PLXNA4: variants seen among roughly 807,000 people sequenced by gnomAD.
PLXNA4 encodes the protein plexin-A4.
A neutral mutation model predicts 191.8 loss-of-function variants in PLXNA4; 44 were observed. The observed-to-expected ratio is 0.23, with a 90% CI of 0.18 to 0.29. PLXNA4 has a LOEUF of 0.29. Ranked by LOEUF, PLXNA4 falls within the 10% of genes least tolerant of loss-of-function variation. PLXNA4 has a pLI of 1.00. For missense variants in PLXNA4, 1,800 were observed against 2,488.8 expected (o/e 0.72, Z 5.89); for synonymous variants, 1,082 against 1,009.5 (o/e 1.07, Z -1.36).
rs1794842824 is a variant in PLXNA4 at position 132,128,559 on chromosome 7, C to T, written c.*1920G>A. Reference sequence around the variant, plus strand: ...AGAGAAGGGGAACACTTCAAAAATCCTCCTACAAAGGACAAGAAATCCTTT... The same window carrying T: ...AGAGAAGGGGAACACTTCAAAAATCTTCCTACAAAGGACAAGAAATCCTTT... On this transcript the variant is annotated 3_prime_UTR_variant, in exon 32 of 32. Transcript: ENST00000321063. The T allele has an allele frequency of 6.6e-6, 1 of 152,130 alleles. No homozygotes were observed. The highest frequency in any genetic ancestry group is 2.4e-5 in the African/African-American group (1 of 41,404). 9.4% of individuals were successfully genotyped at this position (152,130 alleles called of 1,614,324 possible).
At chr7:132,626,853 C>A (rs1449865287) in intron 2 of PLXNA4, among the ~76,000 whole-genome samples, 1 of 152,116 alleles carries the variant, frequency 6.6e-6, no homozygotes, top group Non-Finnish European at 1.5e-5. Context: ...TCTGGAGCAC[C>A]CTATGGGGTC....
chr7:132,584,298 C>T (rs1302705114), intron 2 of PLXNA4, among the ~76,000 whole-genome samples: 1 of 152,216 alleles, frequency 6.6e-6, no homozygotes, highest in East Asian at 1.9e-4. Flanking sequence ...GGAGCCTTTA[C>T]TCGTGGTTTT....
At chr7:132,530,015 C>A (rs894457517) in intron 1 of PLXNA4, among the ~76,000 whole-genome samples, 3 of 152,152 alleles carry the variant, frequency 2.0e-5, no homozygotes, top group African/African-American at 7.2e-5. Context: ...CACGCATCTG[C>A]TGGAAAGAAA....
At chr7:132,329,524 AT>A (rs1198057858) in intron 3 of PLXNA4, among the ~76,000 whole-genome samples, 1 of 152,192 alleles carries the variant, frequency 6.6e-6, no homozygotes, top group Non-Finnish European at 1.5e-5. Flanking sequence ...ACCAGGGAGA[AT>A]TGATTAAGCA....
chr7:132,187,630 G>A, intron 14 of PLXNA4, 23 bp from the exon 15 acceptor site: 1 of 1,595,200 alleles, frequency 6.3e-7, no homozygotes, highest in Non-Finnish European at 8.6e-7. Flanking sequence ...GATGTGGCCT[G>A]AGACACAACC....
chr7:132,321,193 C>T (rs1029312287), intron 3 of PLXNA4, among the ~76,000 whole-genome samples: 1 of 152,182 alleles, frequency 6.6e-6, no homozygotes, highest in African/African-American at 2.4e-5. Flanking sequence ...CTGACTCTTT[C>T]TCCTGACAAA....
intron 10 of PLXNA4, among the ~76,000 whole-genome samples, chr7:132,208,026 T>C (rs1039556011): frequency 1.5e-4 from 23 of 152,342 alleles, no homozygotes; most frequent in African/African-American, 5.0e-4. Context: ...ATTAAGTAGA[T>C]ACCCTCTCAG....
At chr7:132,399,381 A>G (rs56854456) in intron 3 of PLXNA4, among the ~76,000 whole-genome samples, 25,266 of 152,280 alleles carry the variant, frequency 0.17, 2,828 homozygotes, top group African/African-American at 0.29. Flanking sequence ...TTTTGTGCCA[A>G]GCACTGTTCC....
intron 6 of PLXNA4, among the ~76,000 whole-genome samples, chr7:132,227,995 G>A (rs1798387096): frequency 6.6e-6 from 1 of 152,180 alleles, no homozygotes; most frequent in Admixed American, 6.5e-5. Flanking sequence ...GAAGTCACCT[G>A]TGCCCCTTTC....
chr7:132,471,278 T>C (rs1055574425), intron 3 of PLXNA4, among the ~76,000 whole-genome samples: 1 of 152,202 alleles, frequency 6.6e-6, no homozygotes, highest in Non-Finnish European at 1.5e-5. Flanking sequence ...ATTACACCTC[T>C]TTTCTTTATA....
At chr7:132,158,650 C>G (rs1411001033) in intron 25 of PLXNA4, among the ~76,000 whole-genome samples, 1 of 152,190 alleles carries the variant, frequency 6.6e-6, no homozygotes, top group African/African-American at 2.4e-5. Flanking sequence ...AGCTAGGAAA[C>G]TAAGGCATAC....
intron 3 of PLXNA4, among the ~76,000 whole-genome samples, chr7:132,396,217 C>A (rs529776928): frequency 5.9e-5 from 9 of 152,272 alleles, no homozygotes; most frequent in African/African-American, 1.7e-4. Flanking sequence ...GAAGAGTATG[C>A]CATGCTTTGA....
chr7:132,305,045 C>G (rs1274093498), intron 3 of PLXNA4, among the ~76,000 whole-genome samples: 1 of 152,172 alleles, frequency 6.6e-6, no homozygotes, highest in Non-Finnish European at 1.5e-5. Context: ...CCCTGGTACC[C>G]CTGCTCGTGG....
intron 31 of PLXNA4, 72 bp downstream of exon 31, chr7:132,132,977 G>A (rs779265056): frequency 1.4e-4 from 218 of 1,558,872 alleles, no homozygotes; most frequent in Admixed American, 5.4e-4. Context: ...TCTCTTATAC[G>A]GAGGCATGCA....
Position 132,130,478 on chromosome 7 carries a change from C to T in PLXNA4, c.*1G>A, listed in dbSNP as rs1794894493. ...CCAGGGCGGCCCTGGAAGGACGGTT[C>T]TCAGCTGTCTAAGCTCATGAGGGTT... On this transcript the variant is annotated 3_prime_UTR_variant, in exon 32 of 32. Transcript: ENST00000321063. 1 of 1,614,182 alleles carries T rather than the reference C, an allele frequency of 6.2e-7. No individual in the cohort carries two copies. Among genetic ancestry groups the T allele is most frequent in the Non-Finnish European group, 8.5e-7 (1 of 1,180,030 alleles).
chr7:132,265,211 T>C (rs561660663), intron 4 of PLXNA4, among the ~76,000 whole-genome samples: 2 of 152,332 alleles, frequency 1.3e-5, no homozygotes, highest in African/African-American at 2.4e-5. Flanking sequence ...GTTTGAATTG[T>C]GCTTTGGGGT....
chr7:132,567,444 G>A (rs1161637778), intron 1 of PLXNA4, among the ~76,000 whole-genome samples: 2 of 152,144 alleles, frequency 1.3e-5, no homozygotes, highest in Non-Finnish European at 2.9e-5. Flanking sequence ...GAGGGTAACT[G>A]AGGGGCTCAG....
chr7:132,228,795 TCTC>T (rs1450806919), intron 5 of PLXNA4, among the ~76,000 whole-genome samples: 1 of 152,184 alleles, frequency 6.6e-6, no homozygotes, highest in East Asian at 1.9e-4. Context: ...GCCATTCTCT[TCTC>T]CTCCTTAGGC....
At chr7:132,539,009 T>C (rs578210152) in intron 1 of PLXNA4, among the ~76,000 whole-genome samples, 1 of 152,310 alleles carries the variant, frequency 6.6e-6, no homozygotes, top group Admixed American at 6.5e-5. Flanking sequence ...TCACATCTTC[T>C]ATGACTTTTT....
Sources: allele counts gnomAD v4.1 joint callset (sites outside exome capture counted in the v4.1 genomes callset), GRCh38; gene constraint gnomAD v4.1.1; transcripts MANE v1.5; gene names NCBI Gene and HGNC (gene_info 2026-07-23, HGNC 2026-07-21).